CDK12: variants seen among roughly 807,000 people sequenced by gnomAD.
The protein encoded by CDK12 is cyclin dependent kinase 12.
In CDK12, 17 loss-of-function variants were observed where a neutral mutation model predicts 133.8. The observed-to-expected ratio is 0.13, with a 90% confidence interval of 0.09 to 0.19. The LOEUF (loss-of-function observed/expected upper bound fraction) is 0.19. Ranked by LOEUF, CDK12 falls within the 10% of genes least tolerant of loss-of-function variation. The probability of loss-of-function intolerance (pLI) is 1.00; values close to 1 mark genes in which losing one functional copy is unlikely to be tolerated. For synonymous variants in CDK12, 694 were observed against 683.6 expected, an observed-to-expected ratio of 1.02 and a Z score of -0.24; for missense variants, 1,508 against 1,818.7, an observed-to-expected ratio of 0.83 and a Z score of 3.11.
downstream of CDK12, among the ~76,000 whole-genome samples, chr17:39,565,318 G>A (rs2056531505): frequency 6.6e-6 from 1 of 151,438 alleles, no homozygotes; most frequent in South Asian, 2.1e-4. Context: ...GTTTCACTAT[G>A]TTAGCCAGGA....
chr17:39,565,119 T>C (rs187476287), downstream of CDK12, among the ~76,000 whole-genome samples: 378 of 152,304 alleles, frequency 2.5e-3, 1 homozygote, highest in Non-Finnish European at 4.3e-3. Flanking sequence ...GTTTGTTTGT[T>C]TGCTTGTTTG....
intron 2 of CDK12, among the ~76,000 whole-genome samples, chr17:39,484,599 A>G (rs765087804): frequency 6.6e-6 from 1 of 152,212 alleles, no homozygotes; most frequent in Non-Finnish European, 1.5e-5. Flanking sequence ...TTCAAATTGT[A>G]TATCCTGAAC....
intron 5 of CDK12, among the ~76,000 whole-genome samples, chr17:39,498,750 C>G (rs1476084436): frequency 6.6e-6 from 1 of 151,944 alleles, no homozygotes; most frequent in Non-Finnish European, 1.5e-5. Context: ...AGTCTGGTTT[C>G]CAAAGCTCAG....
intron 2 of CDK12, among the ~76,000 whole-genome samples, chr17:39,489,847 C>T (rs2051443638): frequency 7.2e-6 from 1 of 138,858 alleles, no homozygotes; most frequent in Non-Finnish European, 1.5e-5. Flanking sequence ...ACTGTGTTTT[C>T]CAGGGTGGTC....
chr17:39,464,505 C>T (rs1488584973), intron 1 of CDK12, among the ~76,000 whole-genome samples: 1 of 151,020 alleles, frequency 6.6e-6, no homozygotes, highest in African/African-American at 2.4e-5. Flanking sequence ...GCTGGGATTA[C>T]AGGCATGAGC....
chr17:39,481,674 C>T (rs1567706433), intron 2 of CDK12, among the ~76,000 whole-genome samples: 7 of 11,698 alleles, frequency 6.0e-4, no homozygotes, highest in Non-Finnish European at 2.1e-3. Context: ...CTCTCTCTCT[C>T]TCTCTCTCTC....
chr17:39,544,904 A>T (rs1367620318), upstream of CDK12, among the ~76,000 whole-genome samples: 1 of 152,172 alleles, frequency 6.6e-6, no homozygotes, highest in Non-Finnish European at 1.5e-5. Flanking sequence ...TGCTGGGATT[A>T]CAGGCGTGAG....
downstream of CDK12, among the ~76,000 whole-genome samples, chr17:39,535,958 T>C (rs1404801340): frequency 1.3e-5 from 2 of 152,148 alleles, no homozygotes; most frequent in South Asian, 2.1e-4. Context: ...AGTCTTCTGG[T>C]TGTCCTGAGA....
intron 2 of CDK12, among the ~76,000 whole-genome samples, chr17:39,554,983 C>G (rs751963074): frequency 1.5e-4 from 22 of 150,144 alleles, no homozygotes; most frequent in Non-Finnish European, 3.0e-4. Flanking sequence ...GGCACAGTGG[C>G]TCATGCCTGT....
chr17:39,541,945 A>G (rs556329625), intron 1 of CDK12, among the ~76,000 whole-genome samples: 1 of 152,330 alleles, frequency 6.6e-6, no homozygotes, highest in South Asian at 2.1e-4. Context: ...GCAGTCGCAC[A>G]GCGAGTTAAT....
In CDK12 at chr17:39,533,532, C is replaced by T. The variant is rs1242208568; in HGVS notation, c.*2216C>T. ...TTTCCCATCAAATATGAATAAAATT[C>T]TCTATATATTTCATTGTATTTTGGT... On this transcript the variant is annotated 3_prime_UTR_variant, in exon 14 of 14. Coordinates refer to ENST00000447079, the MANE Select transcript of CDK12 (RefSeq NM_016507.4). 4.3e-6 allele frequency: 1 copy of T among 233,006 alleles called. No individual in the cohort carries two copies. Among genetic ancestry groups the T allele is most frequent in the Admixed American group, 5.6e-5 (1 of 17,754 alleles). The allele number at this position is 233,006 out of a possible 1,614,324, so 14.4% of individuals were successfully genotyped here. A position where few individuals can be genotyped will look rare whatever the true frequency, so the allele number is the denominator to read the frequency against.
chr17:39,554,893 CAAAAAAAAAA>C (rs11367982), intron 2 of CDK12, among the ~76,000 whole-genome samples: 2 of 87,344 alleles, frequency 2.3e-5, no homozygotes, highest in Non-Finnish European at 4.6e-5. Flanking sequence ...GACTCCGTCT[CAAAAAAAAAA>C]AAAAAAAAAA....
intron 1 of CDK12, among the ~76,000 whole-genome samples, chr17:39,539,779 T>C (rs1317236415): frequency 2.6e-5 from 4 of 152,146 alleles, no homozygotes; most frequent in South Asian, 2.1e-4. Context: ...AGTGGACTTA[T>C]TCAGAAACAA....
chr17:39,506,500 G>A (rs1199321152), intron 6 of CDK12, among the ~76,000 whole-genome samples: 1 of 152,072 alleles, frequency 6.6e-6, no homozygotes, highest in East Asian at 1.9e-4. Flanking sequence ...ACAGACGCGA[G>A]CCACCACGCC....
intron 2 of CDK12, among the ~76,000 whole-genome samples, chr17:39,555,966 G>A (rs1197333178): frequency 6.6e-6 from 1 of 150,512 alleles, no homozygotes; most frequent in African/African-American, 2.5e-5. Flanking sequence ...CCTGGGAGGT[G>A]GAGGTTGCAG....
intron 2 of CDK12, among the ~76,000 whole-genome samples, chr17:39,474,156 T>A (rs988841872): frequency 7.2e-5 from 11 of 152,212 alleles, no homozygotes; most frequent in African/African-American, 2.7e-4. Context: ...TGGCAGTCTT[T>A]GTGTTATGGT....
At chr17:39,490,065 C>G (rs2051460804) in intron 2 of CDK12, among the ~76,000 whole-genome samples, 1 of 151,220 alleles carries the variant, frequency 6.6e-6, no homozygotes, top group African/African-American at 2.4e-5. Context: ...CTATAGATTT[C>G]TATTTATAAA....
At chr17:39,530,448 T>A in intron 13 of CDK12, 156 bp from the exon 14 acceptor site, 1 of 1,078,718 alleles carries the variant, frequency 9.3e-7, no homozygotes, top group South Asian at 2.0e-5. Context: ...ATCACTTGAT[T>A]TATTTATAAT....
chr17:39,478,000 C>T (rs559850250), intron 2 of CDK12, among the ~76,000 whole-genome samples: 8 of 151,860 alleles, frequency 5.3e-5, no homozygotes, highest in African/African-American at 1.2e-4. Context: ...GCCACTGCAC[C>T]GGGCCCATCT....
Sources: allele counts gnomAD v4.1 joint callset (sites outside exome capture counted in the v4.1 genomes callset), GRCh38; gene constraint gnomAD v4.1.1; transcripts MANE v1.5; gene names NCBI Gene and HGNC (gene_info 2026-07-23, HGNC 2026-07-21).